COL19A1: variants seen among roughly 807,000 people sequenced by gnomAD.
The protein encoded by COL19A1 is collagen type XIX alpha 1 chain.
COL19A1 carries 159 observed loss-of-function variants against 190.2 expected under a neutral mutation model. That is an observed-to-expected ratio of 0.84 (90% CI 0.73 to 0.95). The LOEUF (loss-of-function observed/expected upper bound fraction) is 0.95, where lower values mean the gene tolerates loss of function less well. COL19A1 is among the 40% of genes least tolerant of loss of function. The pLI is 0.00. For missense variants in COL19A1, 1,418 were observed against 1,431.9 expected (o/e 0.99, Z 0.16); for synonymous variants, 509 against 458.9 (o/e 1.11, Z -1.39).
chr6:70,146,642 T>A lies in COL19A1; in HGVS notation c.1771-17T>A. On this transcript the variant is annotated splice_polypyrimidine_tract_variant and intron_variant, in intron 25 of 50. Transcript: ENST00000620364. ...TTTTCTAGAAGAAGATATGTATTCATACTTTTTTTCTTTTAGGGATTAGAT... is the reference window on the plus strand; with the variant it reads ...TTTTCTAGAAGAAGATATGTATTCAAACTTTTTTTCTTTTAGGGATTAGAT... The A allele has an allele frequency of 6.3e-7, 1 of 1,596,490 alleles. No homozygotes were observed. Among genetic ancestry groups the A allele is most frequent in the Non-Finnish European group, 8.5e-7 (1 of 1,170,532 alleles).
chr6:69,909,032 C>A (rs1187410499), intron 4 of COL19A1, among the ~76,000 whole-genome samples: 1 of 151,914 alleles, frequency 6.6e-6, no homozygotes, highest in East Asian at 1.9e-4. Context: ...AACTAAAGTT[C>A]CTATAGTAAG....
At chr6:70,086,931 A>G (rs544465978) in intron 15 of COL19A1, among the ~76,000 whole-genome samples, 4 of 152,316 alleles carry the variant, frequency 2.6e-5, no homozygotes, top group African/African-American at 9.6e-5. Context: ...GGATAAACCA[A>G]TGGACACAAT....
intron 14 of COL19A1, among the ~76,000 whole-genome samples, chr6:70,039,434 T>G (rs890106754): frequency 1.3e-5 from 2 of 152,198 alleles, no homozygotes; most frequent in Non-Finnish European, 2.9e-5. Context: ...TACTTCATTA[T>G]AGAGGATAGA....
intron 16 of COL19A1, among the ~76,000 whole-genome samples, chr6:70,112,879 T>A (rs1220812667): frequency 2.0e-5 from 3 of 152,114 alleles, no homozygotes; most frequent in African/African-American, 7.2e-5. Context: ...ATTACACAGC[T>A]CAGTATGCAG....
chr6:70,004,601 C>T (rs1214504469), intron 11 of COL19A1, among the ~76,000 whole-genome samples: 1 of 152,110 alleles, frequency 6.6e-6, no homozygotes, highest in Non-Finnish European at 1.5e-5. Context: ...ATCTTATCTG[C>T]ATGCCTTATG....
chr6:70,006,289 G>T (rs985967778), intron 11 of COL19A1, among the ~76,000 whole-genome samples: 5 of 152,200 alleles, frequency 3.3e-5, no homozygotes, highest in Non-Finnish European at 7.3e-5. Flanking sequence ...GGTGGTGTGA[G>T]TTTGCGAGTG....
At chr6:70,205,817 T>C (rs1767814476) in intron 49 of COL19A1, among the ~76,000 whole-genome samples, 1 of 152,212 alleles carries the variant, frequency 6.6e-6, no homozygotes, top group Non-Finnish European at 1.5e-5. Flanking sequence ...GTAAGAATAA[T>C]TTTGTTTTAA....
chr6:69,921,256 C>CATATCATATATCATATATATCAT (rs1484585768), intron 4 of COL19A1, among the ~76,000 whole-genome samples: 12 of 125,854 alleles, frequency 9.5e-5, no homozygotes, highest in African/African-American at 2.5e-4. Flanking sequence ...TGTCATATAT[C>CATATCATATATCATATATATCAT]ATATCATATA....
chr6:69,948,173 G>A (rs1773928915), intron 9 of COL19A1, among the ~76,000 whole-genome samples: 1 of 151,806 alleles, frequency 6.6e-6, no homozygotes, highest in South Asian at 2.1e-4. Flanking sequence ...ATCATTAGGA[G>A]TTTTTGAATT....
intron 2 of COL19A1, among the ~76,000 whole-genome samples, chr6:69,888,391 C>T (rs7449481): frequency 1.3e-5 from 2 of 151,956 alleles, no homozygotes; most frequent in Non-Finnish European, 2.9e-5. Flanking sequence ...CCTAAGCCAA[C>T]TAGTTTAAGG....
chr6:70,110,536 C>T (rs150729818), intron 16 of COL19A1, among the ~76,000 whole-genome samples: 6 of 152,214 alleles, frequency 3.9e-5, no homozygotes, highest in East Asian at 1.9e-4. Context: ...CCACTTGTCC[C>T]TCATGGGGGT....
chr6:70,072,827 T>C (rs1354841546), intron 15 of COL19A1, among the ~76,000 whole-genome samples: 1 of 151,940 alleles, frequency 6.6e-6, no homozygotes, highest in Non-Finnish European at 1.5e-5. Flanking sequence ...TCACATTTCC[T>C]CCATGAGCTG....
chr6:70,145,016 T>C lies in COL19A1; in HGVS notation c.1770+9T>C, dbSNP rs1409410457. On this transcript the variant is annotated intron_variant, in intron 25 of 50. Coordinates refer to ENST00000620364, the MANE Select transcript of COL19A1 (RefSeq NM_001858.6). ...GCCTGCCAGGGGAACCAGTAAGTAT[T>C]AGCCCTTTTGTTAATATTTTTCTTG... 6.5e-7 allele frequency: 1 copy of C among 1,548,224 alleles called. No individual in the cohort carries two copies. Among genetic ancestry groups the C allele is most frequent in the Admixed American group, 1.9e-5 (1 of 53,374 alleles).
rs781478654 is a variant in COL19A1 at position 70,068,429 on chromosome 6, C to G, written c.1177C>G (p.Leu393Val). The G allele has an allele frequency of 6.3e-7, 1 of 1,595,258 alleles. No individual in the cohort carries two copies. Among genetic ancestry groups the G allele is most frequent in the South Asian group, 1.1e-5 (1 of 90,582 alleles). The change falls in exon 15 of 51, where the codon CTG (leucine) becomes GTG (valine). Residue 393 changes from leucine (L) to valine (V), a missense_variant. Leu to Val is a conservative substitution (Grantham distance 32). Coordinates refer to ENST00000620364, the MANE Select transcript of COL19A1 (RefSeq NM_001858.6). Reference sequence around the variant, plus strand: ...TGTCTCTTTTTCCTCATAGGGTTCCCTGGGGATACAAGGCCCCCAAGGTCC... The same window carrying G: ...TGTCTCTTTTTCCTCATAGGGTTCCGTGGGGATACAAGGCCCCCAAGGTCC... Reference protein sequence around the residue: ...PPGPPALPGSLGIQGPQGPPG... With the variant: ...PPGPPALPGSVGIQGPQGPPG...
At chr6:70,052,920 C>T (rs1408448320) in intron 14 of COL19A1, among the ~76,000 whole-genome samples, 10 of 152,120 alleles carry the variant, frequency 6.6e-5, no homozygotes, top group Admixed American at 2.6e-4. Context: ...AAAGGGAATG[C>T]TTCTATTTCT....
chr6:70,092,498 A>T (rs564278038), intron 15 of COL19A1, among the ~76,000 whole-genome samples: 2 of 152,028 alleles, frequency 1.3e-5, no homozygotes, highest in South Asian at 2.1e-4. Flanking sequence ...ACTTACTCAC[A>T]TCTTTTTGAT....
At chr6:70,091,495 A>G (rs6903986) in intron 15 of COL19A1, among the ~76,000 whole-genome samples, 20,097 of 152,206 alleles carry the variant, frequency 0.13, 1,570 homozygotes, top group Non-Finnish European at 0.18. Flanking sequence ...TTCTGGGCAC[A>G]TGCCAGCTGA....
chr6:70,195,632 C>T (rs1441305415), intron 48 of COL19A1, among the ~76,000 whole-genome samples: 1 of 152,128 alleles, frequency 6.6e-6, no homozygotes, highest in African/African-American at 2.4e-5. Flanking sequence ...GAGGCACCTG[C>T]CTAGCTGTAT....
chr6:70,113,155 G>A (rs1171916737), intron 16 of COL19A1, among the ~76,000 whole-genome samples: 2 of 152,124 alleles, frequency 1.3e-5, no homozygotes, highest in African/African-American at 4.8e-5. Flanking sequence ...AAAAGCTAGC[G>A]AGACAAGACA....
Sources: allele counts gnomAD v4.1 joint callset (sites outside exome capture counted in the v4.1 genomes callset), GRCh38; gene constraint gnomAD v4.1.1; transcripts MANE v1.5; gene names NCBI Gene and HGNC (gene_info 2026-07-23, HGNC 2026-07-21).